RBM18: variants seen among roughly 807,000 people sequenced by gnomAD.
RBM18 encodes RNA binding motif protein 18, also known as probable RNA-binding protein 18.
A neutral mutation model predicts 26.4 loss-of-function variants in RBM18; 18 were observed. That is an observed-to-expected ratio of 0.68 (90% CI 0.47 to 1.01). The LOEUF is 1.01. Ranked by LOEUF, RBM18 falls within the 50% of genes least tolerant of loss-of-function variation. The probability of loss-of-function intolerance (pLI) is 0.00; values close to 1 mark genes in which losing one functional copy is unlikely to be tolerated. For missense variants in RBM18, 180 were observed against 219.2 expected (o/e 0.82, Z 1.13); for synonymous variants, 74 against 81.1 (o/e 0.91, Z 0.47).
At chr9:122,249,456 T>C (rs1831562930) in intron 3 of RBM18, among the ~76,000 whole-genome samples, 1 of 152,198 alleles carries the variant, frequency 6.6e-6, no homozygotes, top group Admixed American at 6.5e-5. Context: ...CTCACGCCTG[T>C]AATTTCAGCA....
At chr9:122,261,551 G>A (rs746503235) in intron 1 of RBM18, 43 bp from the exon 2 acceptor site, 24 of 1,222,248 alleles carry the variant, frequency 2.0e-5, no homozygotes, top group Non-Finnish European at 2.8e-5. Context: ...GAGTAACAAT[G>A]TGTGAACACA....
intron 5 of RBM18, chr9:122,243,687 T>C: frequency 1.0e-6 from 1 of 975,520 alleles, no homozygotes; most frequent in Non-Finnish European, 1.2e-6. Flanking sequence ...TCGAAAGGTA[T>C]ACATGGGCGA....
chr9:122,254,886 G>A (rs975186066), intron 2 of RBM18, among the ~76,000 whole-genome samples: 2 of 151,092 alleles, frequency 1.3e-5, no homozygotes, highest in African/African-American at 2.4e-5. Context: ...ATGGTACAAG[G>A]AAGGTGGTGG....
intron 5 of RBM18, among the ~76,000 whole-genome samples, chr9:122,242,310 G>C (rs573343054): frequency 6.6e-6 from 1 of 152,256 alleles, no homozygotes; most frequent in Middle Eastern, 3.4e-3. Flanking sequence ...ATCCTCAGAC[G>C]CAGACACTGT....
chr9:122,255,135 T>A (rs187388573), intron 2 of RBM18, among the ~76,000 whole-genome samples: 39 of 152,352 alleles, frequency 2.6e-4, no homozygotes, highest in Middle Eastern at 3.4e-3. Context: ...TTATTTTTGA[T>A]GCACAATTTG....
rs540990007 is a variant in RBM18, at chr9:122,243,756, T to A, written c.413+1500A>T. 7.1e-6 allele frequency: 7 copies of A among 985,436 alleles called. No homozygotes were observed. In the South Asian group the frequency reaches 2.8e-4, roughly 40 times the overall value. 61.0% of individuals were successfully genotyped at this position (985,436 alleles called of 1,614,324 possible). On this transcript the variant is annotated intron_variant, in intron 5 of 5. Transcript: ENST00000417201. The stretch of plus-strand genomic sequence containing the variant: ...ACTGATATATTACCGAGATGCATTC[T>A]GGCCCCTCTTCCATTAATGCCACAG...
In RBM18 at chr9:122,246,283, C is replaced by T. The variant is rs142795283; in HGVS notation, c.328-942G>A. On this transcript the variant is annotated intron_variant, in intron 4 of 5. Transcript: ENST00000417201. Reference sequence around the variant, plus strand: ...TCAGCCTCCCAAAGTGCTGGGATTACAGGCATGAGCCACCATGCCTAGCCA... The same window carrying T: ...TCAGCCTCCCAAAGTGCTGGGATTATAGGCATGAGCCACCATGCCTAGCCA... Among the ~76,000 whole-genome samples the T allele has an allele frequency of 4.6e-3, 707 of 152,320 alleles. 2 individuals carry two copies. Among genetic ancestry groups the T allele is most frequent in the Non-Finnish European group, 7.7e-3 (524 of 68,032 alleles).
chr9:122,250,627 G>A (rs1831584466), intron 3 of RBM18, among the ~76,000 whole-genome samples: 1 of 152,122 alleles, frequency 6.6e-6, no homozygotes, highest in Admixed American at 6.6e-5. Flanking sequence ...GATACAGAAT[G>A]TCACCCTGAT....
intron 4 of RBM18, among the ~76,000 whole-genome samples, chr9:122,246,246 G>A (rs866048757): frequency 2.0e-5 from 3 of 152,142 alleles, no homozygotes; most frequent in Non-Finnish European, 2.9e-5. Context: ...GGGCTGAAGC[G>A]ATCCTCCTGC....
At chr9:122,260,048 G>A (rs967397784) in intron 2 of RBM18, among the ~76,000 whole-genome samples, 8 of 152,086 alleles carry the variant, frequency 5.3e-5, no homozygotes, top group African/African-American at 1.7e-4. Flanking sequence ...CTGATGATAT[G>A]CTCAAAACTT....
At chr9:122,256,112 C>T (rs892117311) in intron 2 of RBM18, among the ~76,000 whole-genome samples, 1 of 152,192 alleles carries the variant, frequency 6.6e-6, no homozygotes, top group Non-Finnish European at 1.5e-5. Context: ...TCCTGCTAAA[C>T]ACCCACAATG....
chr9:122,246,317 C>T (rs963878925), intron 4 of RBM18, among the ~76,000 whole-genome samples: 6 of 152,162 alleles, frequency 3.9e-5, no homozygotes, highest in African/African-American at 1.4e-4. Context: ...CAGATAATTA[C>T]ATACTTCTTG....
At chr9:122,259,775 C>G in intron 2 of RBM18, among the ~76,000 whole-genome samples, 1 of 152,104 alleles carries the variant, frequency 6.6e-6, no homozygotes, top group East Asian at 1.9e-4. Context: ...TGCACTGCAA[C>G]CTCCGCCTCC....
At chr9:122,247,887 C>T (rs1178011865) in intron 3 of RBM18, among the ~76,000 whole-genome samples, 2 of 149,262 alleles carry the variant, frequency 1.3e-5, no homozygotes, top group East Asian at 2.0e-4. Flanking sequence ...CAGGTTCAAG[C>T]GCTTCCCCTG....
intron 2 of RBM18, among the ~76,000 whole-genome samples, chr9:122,259,039 T>C (rs1831744860): frequency 6.6e-6 from 1 of 152,122 alleles, no homozygotes; most frequent in African/African-American, 2.4e-5. Context: ...CAGCATGCTC[T>C]GATCTAGTTT....
chr9:122,248,425 C>G (rs1831541300), intron 3 of RBM18, among the ~76,000 whole-genome samples: 1 of 152,146 alleles, frequency 6.6e-6, no homozygotes, highest in African/African-American at 2.4e-5. Flanking sequence ...GAACCATATC[C>G]TGGACTAGGG....
intron 2 of RBM18, among the ~76,000 whole-genome samples, chr9:122,253,732 A>G (rs1290012181): frequency 6.6e-6 from 1 of 151,852 alleles, no homozygotes; most frequent in Non-Finnish European, 1.5e-5. Flanking sequence ...AAAAAAAAAA[A>G]AAAAAAATCT....
chr9:122,247,425 A>G (rs1779269429), intron 4 of RBM18, 93 bp downstream of exon 4: 2 of 1,021,224 alleles, frequency 2.0e-6, no homozygotes, highest in East Asian at 4.8e-5. Flanking sequence ...TCAGGTGTGA[A>G]GAGATTGGGA....
chr9:122,255,060 G>A (rs1402613352), intron 2 of RBM18, among the ~76,000 whole-genome samples: 5 of 152,174 alleles, frequency 3.3e-5, no homozygotes, highest in Admixed American at 6.5e-5. Flanking sequence ...GAAGGATGTC[G>A]TAGGCTGAGG....
Sources: allele counts gnomAD v4.1 joint callset (sites outside exome capture counted in the v4.1 genomes callset), GRCh38; gene constraint gnomAD v4.1.1; transcripts MANE v1.5; gene names NCBI Gene and HGNC (gene_info 2026-07-23, HGNC 2026-07-21).